Variants in GINM1 observed in about 807,000 individuals in gnomAD.
GINM1 encodes the protein glycoprotein integral membrane protein 1.
GINM1 carries 29 observed loss-of-function variants against 37.8 expected under a neutral mutation model. That is an observed-to-expected ratio of 0.77 (90% CI 0.57 to 1.05). The LOEUF is 1.05. Ranked by LOEUF, GINM1 falls within the 50% of genes least tolerant of loss-of-function variation. The probability of loss-of-function intolerance (pLI) is 0.00; values close to 1 mark genes in which losing one functional copy is unlikely to be tolerated. For missense variants in GINM1, 377 were observed against 397.9 expected, an observed-to-expected ratio of 0.95 and a Z score of 0.45; for synonymous variants, 143 against 146.2, an observed-to-expected ratio of 0.98 and a Z score of 0.16.
chr6:149,588,044 T>G (rs1236621906), intron 7 of GINM1, among the ~76,000 whole-genome samples: 1 of 152,246 alleles, frequency 6.6e-6, no homozygotes, highest in African/African-American at 2.4e-5. Flanking sequence ...TCCTCTAACA[T>G]TTAGGTAATT....
Position 149,591,033 on chromosome 6 carries a change from G to A in GINM1, c.*195G>A, listed in dbSNP as rs558419455. 1.4e-5 allele frequency: 7 copies of A among 496,330 alleles called. No individual in the cohort carries two copies. Among genetic ancestry groups the A allele is most frequent in the South Asian group, 1.0e-4 (4 of 39,228 alleles). 30.7% of individuals were successfully genotyped at this position (496,330 alleles called of 1,614,324 possible). A position where few individuals can be genotyped will look rare whatever the true frequency, so the allele number is the denominator to read the frequency against. On this transcript the variant is annotated 3_prime_UTR_variant, in exon 8 of 8. Transcript: ENST00000367419. ...TTCTCGGCCGGGTGCAGTGGCTCAT[G>A]CCTGTAATCCCAGGACTTTGGGAGG... is the stretch of plus-strand genomic sequence containing the variant.
chr6:149,580,414 G>A (rs1206491417), intron 5 of GINM1, among the ~76,000 whole-genome samples, 179 bp from the exon 6 acceptor site: 1 of 152,176 alleles, frequency 6.6e-6, no homozygotes, highest in East Asian at 1.9e-4. Flanking sequence ...CTCCTTATAC[G>A]TGTCTTAGTT....
In GINM1 at chr6:149,590,762, C is replaced by T; in HGVS notation, c.917C>T (p.Pro306Leu). ...ILQLDKVDVIPVTAINLYPDG... is the reference protein window; with the variant it reads ...ILQLDKVDVILVTAINLYPDG... ...CAGTTGGATAAAGTGGACGTCATACCTGTGACAGCTATCAACTTATATCCA... is the reference window on the plus strand; with the variant it reads ...CAGTTGGATAAAGTGGACGTCATACTTGTGACAGCTATCAACTTATATCCA... Residue 306 changes from proline to leucine, a missense_variant, in exon 8 of 8, where the codon CCT (proline) becomes CTT (leucine). Pro to Leu is a moderately conservative substitution (Grantham distance 98). Transcript: ENST00000367419. 6.3e-7 allele frequency: 1 copy of T among 1,596,986 alleles called. No individual in the cohort carries two copies. Among genetic ancestry groups the T allele is most frequent in the Non-Finnish European group, 8.6e-7 (1 of 1,165,018 alleles).
At chr6:149,569,701 G>A (rs892843598) in intron 1 of GINM1, among the ~76,000 whole-genome samples, 12 of 152,144 alleles carry the variant, frequency 7.9e-5, no homozygotes, top group Non-Finnish European at 1.2e-4. Flanking sequence ...CCAAAGAGAG[G>A]CATTCGGAGG....
intron 1 of GINM1, among the ~76,000 whole-genome samples, chr6:149,567,024 G>A (rs1777731020): frequency 6.6e-6 from 1 of 152,260 alleles, no homozygotes; most frequent in African/African-American, 2.4e-5. Context: ...GCTCAGGTGG[G>A]CAGAGGGAGA....
chr6:149,584,220 G>A (rs919290339), intron 7 of GINM1, among the ~76,000 whole-genome samples: 2 of 152,034 alleles, frequency 1.3e-5, no homozygotes, highest in Non-Finnish European at 2.9e-5. Context: ...AGGTGGATCA[G>A]GTGGATCACG....
intron 1 of GINM1, among the ~76,000 whole-genome samples, chr6:149,567,893 T>C (rs745316093): frequency 4.6e-5 from 7 of 152,220 alleles, no homozygotes; most frequent in African/African-American, 7.2e-5. Context: ...GTTCTGGAAA[T>C]ACGGACATTA....
chr6:149,575,324 A>G (rs937621909), intron 3 of GINM1, among the ~76,000 whole-genome samples: 1 of 152,186 alleles, frequency 6.6e-6, no homozygotes, highest in South Asian at 2.1e-4. Context: ...TATTTGTCTG[A>G]AAACATCTCT....
In GINM1 at chr6:149,578,807, C is replaced by CT. The variant is rs374493485; in HGVS notation, c.278-5dup. 13,314 of 1,200,530 alleles carry CT rather than the reference C, an allele frequency of 0.011. 5 individuals carry two copies. Among genetic ancestry groups the CT allele is most frequent in the African/African-American group, 0.018 (1,124 of 64,060 alleles). 74.4% of individuals were successfully genotyped at this position (1,200,530 alleles called of 1,614,324 possible). A position where few individuals can be genotyped will look rare whatever the true frequency, so the allele number is the denominator to read the frequency against. On this transcript the variant is annotated splice_polypyrimidine_tract_variant and intron_variant, in intron 3 of 7. Transcript: ENST00000367419. Reference sequence around the variant, plus strand: ...TAATCTTTGTTCAAAGGTGTCACTACTTTTTTTTTTATAGTGAAGAATGAA... The same window carrying CT: ...TAATCTTTGTTCAAAGGTGTCACTACTTTTTTTTTTTATAGTGAAGAATGAA...
intron 1 of GINM1, among the ~76,000 whole-genome samples, chr6:149,570,002 G>A (rs1460445953): frequency 6.6e-6 from 1 of 151,604 alleles, no homozygotes; most frequent in Non-Finnish European, 1.5e-5. Flanking sequence ...AGTAAGGAGT[G>A]TGATTCCCTT....
chr6:149,567,768 A>G (rs1038475448), intron 1 of GINM1, among the ~76,000 whole-genome samples: 25 of 152,376 alleles, frequency 1.6e-4, no homozygotes, highest in Admixed American at 1.1e-3. Context: ...ATTGCCTGCC[A>G]TAAGAACCAC....
intron 7 of GINM1, chr6:149,584,659 G>T (rs565435057): frequency 1.2e-4 from 19 of 152,170 alleles, no homozygotes; most frequent in African/African-American, 3.4e-4. Flanking sequence ...AAGTGTTTCA[G>T]ATTTCAGATT....
intron 3 of GINM1, among the ~76,000 whole-genome samples, chr6:149,578,617 A>T (rs1483636611): frequency 1.3e-5 from 2 of 152,172 alleles, no homozygotes; most frequent in Non-Finnish European, 2.9e-5. Context: ...TACCCTTTCA[A>T]ATGAGTGTAA....
intron 3 of GINM1, chr6:149,577,331 C>G (rs1292369498): frequency 6.6e-6 from 1 of 152,338 alleles, no homozygotes; most frequent in Non-Finnish European, 1.5e-5. Flanking sequence ...TGGTAATGGT[C>G]AGTTAAAACA....
At chr6:149,567,456 C>G (rs1045906488) in intron 1 of GINM1, among the ~76,000 whole-genome samples, 1 of 152,138 alleles carries the variant, frequency 6.6e-6, no homozygotes. Context: ...CTTTGACCAA[C>G]AAGGTGAAAC....
chr6:149,581,958 C>T (rs573926168), intron 6 of GINM1: 3 of 460,360 alleles, frequency 6.5e-6, no homozygotes, highest in African/African-American at 4.0e-5. Flanking sequence ...GTTCTGCTCT[C>T]GCTCTTAAAG....
chr6:149,579,366 A>G (rs1385469524), intron 4 of GINM1, among the ~76,000 whole-genome samples: 1 of 152,238 alleles, frequency 6.6e-6, no homozygotes, highest in Non-Finnish European at 1.5e-5. Context: ...TTGCAAGTTA[A>G]GTGCCCCAAA....
chr6:149,591,076 C>T lies in GINM1; in HGVS notation c.*238C>T, dbSNP rs554385372. Reference sequence around the variant, plus strand: ...TTGGGAGGCCAATGCGGGCGGATCACGAGGTCAGATCAAGACCATCCTGCC... The same window carrying T: ...TTGGGAGGCCAATGCGGGCGGATCATGAGGTCAGATCAAGACCATCCTGCC... On this transcript the variant is annotated 3_prime_UTR_variant, in exon 8 of 8. Transcript: ENST00000367419. 11 of 383,506 alleles carry T rather than the reference C, an allele frequency of 2.9e-5. No homozygotes were observed. Among genetic ancestry groups the T allele is most frequent in the Non-Finnish European group, 4.2e-5 (9 of 213,160 alleles). The allele number at this position is 383,506 out of a possible 1,614,324, so 23.8% of individuals were successfully genotyped here.
intron 4 of GINM1, among the ~76,000 whole-genome samples, 158 bp from the exon 5 acceptor site, chr6:149,579,676 C>G (rs987901100): frequency 7.5e-6 from 1 of 134,194 alleles, no homozygotes; most frequent in East Asian, 2.2e-4. Context: ...TGGGCAACAA[C>G]AAGAGCGAAA....
Sources: gnomAD v4.1 joint callset for allele counts (sites outside exome capture counted in the v4.1 genomes callset) on GRCh38, gnomAD v4.1.1 for gene constraint, MANE v1.5 for transcripts, NCBI Gene and HGNC (gene_info 2026-07-23, HGNC 2026-07-21) for gene names.